The following RXFP1 variants were observed in gnomAD, a reference collection of about 807,000 sequenced individuals.
The protein encoded by RXFP1 is relaxin receptor 1.
A neutral mutation model predicts 89.8 loss-of-function variants in RXFP1; 73 were observed. The observed-to-expected ratio is 0.81, with a 90% CI of 0.67 to 0.99. The LOEUF is 0.99. RXFP1 is among the 50% of genes least tolerant of loss of function. The pLI, the probability that RXFP1 is intolerant of heterozygous loss-of-function variation, is 0.00. For missense variants in RXFP1, 793 were observed against 895.5 expected (o/e 0.89, Z 1.46); for synonymous variants, 277 against 305.5 (o/e 0.91, Z 0.97).
chr4:158,581,687 AG>A (rs1192004304), intron 2 of RXFP1, among the ~76,000 whole-genome samples: 1 of 152,204 alleles, frequency 6.6e-6, no homozygotes, highest in Non-Finnish European at 1.5e-5. Flanking sequence ...CCCAGGAGAA[AG>A]GGACTGTTTT....
chr4:158,641,346 G>A (rs1770339768), intron 14 of RXFP1, among the ~76,000 whole-genome samples: 1 of 152,162 alleles, frequency 6.6e-6, no homozygotes, highest in Admixed American at 6.5e-5. Flanking sequence ...CCTACTCTGG[G>A]CTAGGGATTG....
intron 9 of RXFP1, among the ~76,000 whole-genome samples, chr4:158,618,604 A>G (rs950419770): frequency 6.6e-6 from 1 of 152,068 alleles, no homozygotes; most frequent in Admixed American, 6.5e-5. Context: ...CCTTTTTATA[A>G]CTAATGATAC....
rs566463954 is a variant in RXFP1 at position 158,571,469 on chromosome 4, C to T, written c.50-1229C>T. On this transcript the variant is annotated intron_variant, in intron 1 of 17. Transcript: ENST00000307765. ...ATCACCTGAGGTCAGGAGTTCAAGA[C>T]CAGCCTGACCAACATGGTAAAACCT... 3.0e-4 allele frequency among the ~76,000 whole-genome samples: 46 copies of T among 152,284 alleles called. 1 individual carries two copies. The highest frequency in any genetic ancestry group is 9.4e-4 in the African/African-American group (39 of 41,560).
intron 1 of RXFP1, among the ~76,000 whole-genome samples, chr4:158,528,400 G>A (rs1743141535): frequency 6.6e-6 from 1 of 152,144 alleles, no homozygotes; most frequent in Non-Finnish European, 1.5e-5. Flanking sequence ...CAGCTACTCG[G>A]GAAGCTGAGG....
intron 9 of RXFP1, among the ~76,000 whole-genome samples, chr4:158,625,241 A>G (rs1025965538): frequency 3.9e-5 from 6 of 152,154 alleles, no homozygotes; most frequent in African/African-American, 1.2e-4. Flanking sequence ...TTCCAACTTA[A>G]TAGAATAACA....
intron 11 of RXFP1, among the ~76,000 whole-genome samples, chr4:158,631,571 G>A (rs1283522168): frequency 2.0e-5 from 3 of 152,186 alleles, no homozygotes; most frequent in African/African-American, 7.2e-5. Context: ...GAATGCATAG[G>A]AGAACAAAGG....
rs562980274 is a variant in RXFP1, at chr4:158,535,432, C to T, written c.49+13407C>T. Among the ~76,000 whole-genome samples, 28 of 152,274 alleles carry T rather than the reference C, an allele frequency of 1.8e-4. No homozygotes were observed. The Middle Eastern group carries it at 0.01, about 55-fold the overall frequency. On this transcript the variant is annotated intron_variant, in intron 1 of 17. Coordinates refer to ENST00000307765, the MANE Select transcript of RXFP1 (RefSeq NM_021634.4). ...AACTGAAAGCAATCCTTAGAGAGGGCGTGGCCATTGCACTTGAGTCACTGG... is the reference window on the plus strand; with the variant it reads ...AACTGAAAGCAATCCTTAGAGAGGGTGTGGCCATTGCACTTGAGTCACTGG...
At position 158,652,430 on chromosome 4, in the gene RXFP1, A is replaced by G. The variant is rs1230593888; in HGVS notation, c.*375A>G. ...GTGTTTAATGACAAAAGACTATACA[A>G]AGTCCATCTGCAGTTCCTAGTTTAA... On this transcript the variant is annotated 3_prime_UTR_variant, in exon 18 of 18. Transcript: ENST00000307765. 1 of 157,770 alleles carries G rather than the reference A, an allele frequency of 6.3e-6. No individual in the cohort carries two copies. Among genetic ancestry groups the G allele is most frequent in the Non-Finnish European group, 1.4e-5 (1 of 71,938 alleles). 9.8% of individuals were successfully genotyped at this position (157,770 alleles called of 1,614,324 possible). A position where few individuals can be genotyped will look rare whatever the true frequency, so the allele number is the denominator to read the frequency against.
At chr4:158,557,491 G>A (rs1007030965) in intron 1 of RXFP1, among the ~76,000 whole-genome samples, 8 of 151,938 alleles carry the variant, frequency 5.3e-5, no homozygotes, top group African/African-American at 1.9e-4. Context: ...CTTTAAGTAT[G>A]AGTGTATTTG....
At chr4:158,566,685 C>T (rs1005722093) in intron 1 of RXFP1, among the ~76,000 whole-genome samples, 9 of 152,370 alleles carry the variant, frequency 5.9e-5, no homozygotes, top group African/African-American at 1.4e-4. Context: ...TTTAAAATAT[C>T]ACTTTAAAAT....
intron 9 of RXFP1, among the ~76,000 whole-genome samples, chr4:158,622,838 A>G (rs55735930): frequency 0.26 from 39,776 of 152,080 alleles, 8,661 homozygotes; most frequent in African/African-American, 0.59. Flanking sequence ...AATTTGCTAA[A>G]AGGGTAGAGT....
intron 5 of RXFP1, among the ~76,000 whole-genome samples, chr4:158,607,316 A>T (rs761196735): frequency 1.5e-5 from 2 of 133,776 alleles, no homozygotes; most frequent in African/African-American, 7.9e-5. Context: ...TCTAGTCCTG[A>T]TTATTTTTAT....
intron 16 of RXFP1, among the ~76,000 whole-genome samples, chr4:158,647,637 G>C (rs2150267054): frequency 6.6e-6 from 1 of 152,262 alleles, no homozygotes; most frequent in South Asian, 2.1e-4. Context: ...GGGAGGCCAA[G>C]GTGGGAGGAT....
At chr4:158,559,402 G>A (rs937630230) in intron 1 of RXFP1, among the ~76,000 whole-genome samples, 16 of 152,162 alleles carry the variant, frequency 1.1e-4, no homozygotes, top group Admixed American at 5.2e-4. Flanking sequence ...ACCATTAGAT[G>A]AATGTAACCA....
chr4:158,554,238 G>A (rs1401183565), intron 1 of RXFP1, among the ~76,000 whole-genome samples: 5 of 152,124 alleles, frequency 3.3e-5, no homozygotes, highest in East Asian at 1.9e-4. Flanking sequence ...CTAAGAAACC[G>A]TATTTTTACA....
At chr4:158,531,957 TA>T (rs1744158640) in intron 1 of RXFP1, among the ~76,000 whole-genome samples, 1 of 151,942 alleles carries the variant, frequency 6.6e-6, no homozygotes. Flanking sequence ...GTTTTACATT[TA>T]GGGGGTATAT....
rs114034340 is a variant in RXFP1, at chr4:158,551,933, C to T, written c.50-20765C>T. Among the ~76,000 whole-genome samples, 328 of 152,176 alleles carry T rather than the reference C, an allele frequency of 2.2e-3. 3 individuals carry two copies. The highest frequency in any genetic ancestry group is 7.7e-3 in the African/African-American group (320 of 41,496). On this transcript the variant is annotated intron_variant, in intron 1 of 17. Transcript: ENST00000307765. ...CTCCAGCCTGGGTGACACAGTGAGA[C>T]CTTGTTACAAAAATAAATAAAAATA...
intron 14 of RXFP1, among the ~76,000 whole-genome samples, chr4:158,640,820 G>A (rs1415692775): frequency 6.6e-6 from 1 of 152,178 alleles, no homozygotes; most frequent in African/African-American, 2.4e-5. Context: ...AATGAAGGTA[G>A]TTAAGAAGAA....
chr4:158,566,250 A>C (rs1753511372), intron 1 of RXFP1, among the ~76,000 whole-genome samples: 1 of 152,248 alleles, frequency 6.6e-6, no homozygotes, highest in African/African-American at 2.4e-5. Context: ...AAAGTATTTA[A>C]GGGTGCTAGA....
Sources: allele counts gnomAD v4.1 joint callset (sites outside exome capture counted in the v4.1 genomes callset), GRCh38; gene constraint gnomAD v4.1.1; transcripts MANE v1.5; gene names NCBI Gene and HGNC (gene_info 2026-07-23, HGNC 2026-07-21).